The following FCHSD2 variants were observed in gnomAD, a reference collection of about 807,000 sequenced individuals.
FCHSD2 encodes the protein F-BAR and double SH3 domains protein 2.
FCHSD2 carries 38 observed loss-of-function variants against 108.1 expected under a neutral mutation model. That is an observed-to-expected ratio of 0.35 (90% CI 0.27 to 0.46). The LOEUF (loss-of-function observed/expected upper bound fraction) is 0.46. Ranked by LOEUF, FCHSD2 falls within the 20% of genes least tolerant of loss-of-function variation. The pLI is 1.00. For missense variants in FCHSD2, 751 were observed against 897.8 expected (o/e 0.84, Z 2.09); for synonymous variants, 279 against 314.7 (o/e 0.89, Z 1.20).
chr11:72,965,069 A>C (rs566257098), intron 8 of FCHSD2, among the ~76,000 whole-genome samples: 3 of 152,088 alleles, frequency 2.0e-5, no homozygotes, highest in Admixed American at 1.3e-4. Context: ...GATTACAGGC[A>C]TGAGCCACCG....
At chr11:73,096,986 GATT>G (rs2135528471) in intron 2 of FCHSD2, among the ~76,000 whole-genome samples, 1 of 19,504 alleles carries the variant, frequency 5.1e-5, no homozygotes, top group African/African-American at 2.7e-4. Flanking sequence ...TTCATTGATG[GATT>G]TTTTTTTTTT....
At chr11:73,128,011 CAA>C (rs1340416463) in intron 2 of FCHSD2, among the ~76,000 whole-genome samples, 16 of 69,600 alleles carry the variant, frequency 2.3e-4, no homozygotes, top group Admixed American at 3.4e-4. Context: ...AAGACCATCT[CAA>C]AAAAAAAAAA....
At chr11:72,983,285 C>A in intron 8 of FCHSD2, among the ~76,000 whole-genome samples, 1 of 148,610 alleles carries the variant, frequency 6.7e-6, no homozygotes, top group African/African-American at 2.5e-5. Context: ...CAGAGCGAGA[C>A]TCCGTCTCAA....
chr11:72,938,891 C>T (rs988669469), intron 8 of FCHSD2, among the ~76,000 whole-genome samples: 1 of 151,950 alleles, frequency 6.6e-6, no homozygotes, highest in South Asian at 2.1e-4. Context: ...TTTTGAGTTG[C>T]ACTCTAAAGC....
chr11:72,904,982 T>A lies in FCHSD2; in HGVS notation c.829-2344A>T, dbSNP rs558067009. ...TTTTGTCTTGTTTATTTATTTATTT[T>A]CTTGGGAAGGTAACGTTTACTTCCA... On this transcript the variant is annotated intron_variant, in intron 9 of 19. Transcript: ENST00000409418. 3.3e-5 allele frequency among the ~76,000 whole-genome samples: 5 copies of A among 152,342 alleles called. No individual in the cohort carries two copies. In the South Asian group the frequency reaches 6.2e-4, roughly 19 times the overall value.
intron 8 of FCHSD2, among the ~76,000 whole-genome samples, chr11:72,966,199 G>A (rs576772842): frequency 0.011 from 30 of 2,656 alleles, no homozygotes; most frequent in South Asian, 0.036. Flanking sequence ...TCACTCTGTC[G>A]CCCAGGAAGG....
At chr11:73,085,777 G>C (rs1859800922) in intron 2 of FCHSD2, among the ~76,000 whole-genome samples, 1 of 151,576 alleles carries the variant, frequency 6.6e-6, no homozygotes, top group East Asian at 1.9e-4. Context: ...CACAAATCTG[G>C]TATTCTGGTT....
At chr11:73,073,118 G>A (rs956481151) in intron 3 of FCHSD2, among the ~76,000 whole-genome samples, 3 of 152,216 alleles carry the variant, frequency 2.0e-5, no homozygotes, top group Admixed American at 6.5e-5. Context: ...GCACTTGCCT[G>A]TAGCAATTTC....
intron 8 of FCHSD2, among the ~76,000 whole-genome samples, chr11:72,967,826 T>A (rs1220095262): frequency 6.6e-6 from 1 of 152,092 alleles, no homozygotes; most frequent in Non-Finnish European, 1.5e-5. Context: ...TGCGGGTGGC[T>A]CATGCCTGTA....
intron 8 of FCHSD2, among the ~76,000 whole-genome samples, chr11:72,949,171 G>A (rs574922301): frequency 2.6e-5 from 4 of 152,210 alleles, no homozygotes; most frequent in South Asian, 2.1e-4. Context: ...AAACCTGGCC[G>A]GGCGTGGTGG....
At chr11:73,102,781 G>T (rs2135534584) in intron 2 of FCHSD2, among the ~76,000 whole-genome samples, 1 of 152,214 alleles carries the variant, frequency 6.6e-6, no homozygotes, top group African/African-American at 2.4e-5. Flanking sequence ...CTTGATTTTG[G>T]ACTTCCCAGC....
At chr11:72,898,727 TA>T (rs529881500) in intron 10 of FCHSD2, among the ~76,000 whole-genome samples, 166 of 73,102 alleles carry the variant, frequency 2.3e-3, no homozygotes, top group African/African-American at 7.6e-3. Flanking sequence ...CTTTTCTTTC[TA>T]TTTTTTTTTT....
chr11:73,132,093 G>A (rs756868361), intron 2 of FCHSD2, among the ~76,000 whole-genome samples: 3 of 152,138 alleles, frequency 2.0e-5, no homozygotes, highest in Non-Finnish European at 4.4e-5. Flanking sequence ...TACCCATCCC[G>A]CAAGTTCTAT....
At chr11:72,862,577 T>A (rs1233300767) in intron 13 of FCHSD2, among the ~76,000 whole-genome samples, 6 of 152,182 alleles carry the variant, frequency 3.9e-5, no homozygotes, top group Admixed American at 2.0e-4. Flanking sequence ...TGAGAGAAAT[T>A]AAAGTCCTAA....
rs902584775 is a variant in FCHSD2, at chr11:73,016,329, TAACC to T, written c.166-448_166-445del. Among the ~76,000 whole-genome samples, 21 of 151,252 alleles carry T rather than the reference TAACC, an allele frequency of 1.4e-4. No individual in the cohort carries two copies. In the South Asian group the frequency reaches 1.7e-3, roughly 12 times the overall value. On this transcript the variant is annotated intron_variant, in intron 3 of 19. Transcript: ENST00000409418. The stretch of plus-strand genomic sequence containing the variant: ...AAAAAAAAAAAAAACAAAACCCAAT[TAACC>T]AACCAACCAACCAACCAAACAAACA...
chr11:72,924,656 T>G (rs896873347), intron 8 of FCHSD2, among the ~76,000 whole-genome samples: 3 of 151,908 alleles, frequency 2.0e-5, no homozygotes, highest in Admixed American at 6.6e-5. Flanking sequence ...CCATTGTATC[T>G]TATGTTTGGC....
At chr11:72,841,362 A>C in intron 18 of FCHSD2, 92 bp downstream of exon 18, 4 of 1,124,922 alleles carry the variant, frequency 3.6e-6, no homozygotes, top group Non-Finnish European at 3.7e-6. Context: ...AAAAAAAAAA[A>C]AAGCAAATGC....
intron 13 of FCHSD2, 139 bp downstream of exon 13, chr11:72,867,726 A>G: frequency 1.5e-6 from 1 of 672,570 alleles, no homozygotes; most frequent in Non-Finnish European, 2.5e-6. Context: ...TCAATTAGTG[A>G]TAGGCTGAAG....
chr11:72,966,849 T>C (rs944563751), intron 8 of FCHSD2, among the ~76,000 whole-genome samples: 1 of 152,142 alleles, frequency 6.6e-6, no homozygotes, highest in Non-Finnish European at 1.5e-5. Flanking sequence ...TGATATAGTT[T>C]GAGGAAGGAT....
Sources: gnomAD v4.1 joint callset for allele counts (sites outside exome capture counted in the v4.1 genomes callset) on GRCh38, gnomAD v4.1.1 for gene constraint, MANE v1.5 for transcripts, NCBI Gene and HGNC (gene_info 2026-07-23, HGNC 2026-07-21) for gene names.